APBB2: variants seen among roughly 807,000 people sequenced by gnomAD.
APBB2 encodes the protein Fe65-like 1.
APBB2 carries 38 observed loss-of-function variants against 82.5 expected under a neutral mutation model. The ratio of observed to expected loss-of-function variants is 0.46; its 90% confidence interval spans 0.36 to 0.60. The LOEUF (loss-of-function observed/expected upper bound fraction) is 0.60, where lower values mean the gene tolerates loss of function less well. Among genes scored for constraint, APBB2 ranks in the 20% least tolerant of loss-of-function variants. APBB2 has a pLI of 0.00. For synonymous variants in APBB2, 341 were observed against 368.2 expected (o/e 0.93, Z 0.85); for missense variants, 772 against 972.3 (o/e 0.79, Z 2.74).
At chr4:41,169,823 G>GT (rs150044005) in intron 1 of APBB2, among the ~76,000 whole-genome samples, 6,355 of 149,922 alleles carry the variant, frequency 0.042, 148 homozygotes, top group Middle Eastern at 0.058. Flanking sequence ...AAAACGAATA[G>GT]GGGGGGAAAA....
intron 2 of APBB2, among the ~76,000 whole-genome samples, chr4:41,120,735 G>A (rs1752559777): frequency 6.6e-6 from 1 of 152,146 alleles, no homozygotes; most frequent in Non-Finnish European, 1.5e-5. Flanking sequence ...TGCTTTCACA[G>A]GCACCGCGCT....
At chr4:40,989,590 TG>T (rs1262284297) in intron 6 of APBB2, among the ~76,000 whole-genome samples, 1 of 152,180 alleles carries the variant, frequency 6.6e-6, no homozygotes, top group Non-Finnish European at 1.5e-5. Context: ...GCTACCTATT[TG>T]CTTTGTTAAT....
intron 6 of APBB2, among the ~76,000 whole-genome samples, chr4:40,958,269 T>C (rs932708092): frequency 1.3e-5 from 2 of 152,140 alleles, no homozygotes; most frequent in African/African-American, 4.8e-5. Context: ...GATATTAAAG[T>C]CTTGAGATGA....
At chr4:40,961,192 C>T (rs1325872568) in intron 6 of APBB2, among the ~76,000 whole-genome samples, 1 of 151,982 alleles carries the variant, frequency 6.6e-6, no homozygotes, top group Admixed American at 6.6e-5. Context: ...ATTTTGGGGT[C>T]TTGTATTACT....
intron 6 of APBB2, among the ~76,000 whole-genome samples, chr4:40,983,691 C>A (rs1799688710): frequency 6.6e-6 from 1 of 152,146 alleles, no homozygotes; most frequent in Non-Finnish European, 1.5e-5. Context: ...AATTCTCCTG[C>A]CTCAGCCTCC....
chr4:40,946,260 C>T (rs551801462), intron 6 of APBB2, among the ~76,000 whole-genome samples: 1 of 110,806 alleles, frequency 9.0e-6, no homozygotes, highest in South Asian at 2.8e-4. Flanking sequence ...AAAAACATTC[C>T]CAAGGAAAGC....
At chr4:41,184,024 C>A (rs368694083) in intron 1 of APBB2, among the ~76,000 whole-genome samples, 1 of 151,686 alleles carries the variant, frequency 6.6e-6, no homozygotes, top group Admixed American at 6.6e-5. Context: ...TGGGAGACAG[C>A]GACAGATCAT....
At chr4:41,107,400 GA>G (rs1747649145) in intron 2 of APBB2, among the ~76,000 whole-genome samples, 1 of 152,136 alleles carries the variant, frequency 6.6e-6, no homozygotes, top group African/African-American at 2.4e-5. Flanking sequence ...AATAATGGGG[GA>G]AACTCTTCTT....
At chr4:41,084,537 T>G (rs1472786865) in intron 3 of APBB2, 1 of 152,226 alleles carries the variant, frequency 6.6e-6, no homozygotes, top group East Asian at 1.9e-4. Context: ...CAAGTGTTCA[T>G]CATGCCCCTG....
chr4:41,029,824 T>C (rs1439165710), intron 5 of APBB2, among the ~76,000 whole-genome samples: 1 of 151,900 alleles, frequency 6.6e-6, no homozygotes, highest in East Asian at 1.9e-4. Flanking sequence ...GAACACCATG[T>C]TAGGGATGAG....
intron 4 of APBB2, among the ~76,000 whole-genome samples, chr4:41,049,827 G>C (rs866018295): frequency 6.6e-6 from 1 of 152,146 alleles, no homozygotes; most frequent in Non-Finnish European, 1.5e-5. Flanking sequence ...CCCCCAACCC[G>C]GTGCTCTCTG....
chr4:41,098,012 CCT>C (rs1481306755), intron 3 of APBB2, among the ~76,000 whole-genome samples: 76 of 151,176 alleles, frequency 5.0e-4, no homozygotes, highest in Non-Finnish European at 4.7e-4. Flanking sequence ...ACACCTCCCC[CCT>C]CCCCTCCCGT....
At chr4:40,911,402 A>G (rs572524255) in intron 10 of APBB2, among the ~76,000 whole-genome samples, 2 of 152,318 alleles carry the variant, frequency 1.3e-5, no homozygotes, top group South Asian at 4.1e-4. Flanking sequence ...GTACCTGGTA[A>G]GCATACAATG....
chr4:40,991,006 G>GTTTCTTTTTTTT (rs1553898870), intron 6 of APBB2, among the ~76,000 whole-genome samples: 2 of 77,414 alleles, frequency 2.6e-5, no homozygotes, highest in African/African-American at 3.9e-5. Context: ...TTTGGACTGA[G>GTTTCTTTTTTTT]TTTCATTTTT....
At chr4:40,837,302 C>T (rs1754282437) in intron 12 of APBB2, among the ~76,000 whole-genome samples, 2 of 152,230 alleles carry the variant, frequency 1.3e-5, no homozygotes, top group African/African-American at 4.8e-5. Flanking sequence ...CTGCAGGCAC[C>T]TTTGAGGAGC....
At chr4:41,156,196 A>G (rs1361498708) in intron 1 of APBB2, among the ~76,000 whole-genome samples, 1 of 152,214 alleles carries the variant, frequency 6.6e-6, no homozygotes, top group Admixed American at 6.5e-5. Flanking sequence ...GAAAATAGGA[A>G]AAGGAGAAGA....
chr4:40,963,443 T>C (rs1485042132), intron 6 of APBB2, among the ~76,000 whole-genome samples: 1 of 152,200 alleles, frequency 6.6e-6, no homozygotes, highest in African/African-American at 2.4e-5. Flanking sequence ...AGACAGGGTC[T>C]CGCCATGTTG....
Position 40,832,006 on chromosome 4 carries a change from AT to A in APBB2, c.1530-1430del, listed in dbSNP as rs1327748782. 9.7e-6 allele frequency among the ~76,000 whole-genome samples: 1 copy of A among 102,976 alleles called. No individual in the cohort carries two copies. Among genetic ancestry groups the A allele is most frequent in the Non-Finnish European group, 1.8e-5 (1 of 54,668 alleles). The allele number at this position is 102,976 out of a possible 152,430, so 67.6% of individuals were successfully genotyped here. Reference sequence around the variant, plus strand: ...TACACACACACATATTTATATATTTATTTATATACACACACACACACACACA... The same window carrying A: ...TACACACACACATATTTATATATTTATTATATACACACACACACACACACA... On this transcript the variant is annotated intron_variant, in intron 12 of 17. Coordinates refer to ENST00000508593, the MANE Select transcript of APBB2 (RefSeq NM_004307.2). This position sits in a 1 kb window ranked among gnomAD's most constrained non-coding sequence, Gnocchi z 4.8.
intron 10 of APBB2, among the ~76,000 whole-genome samples, chr4:40,907,767 T>G (rs1016087149): frequency 6.7e-6 from 1 of 149,538 alleles, no homozygotes; most frequent in Non-Finnish European, 1.5e-5. Context: ...CTTCACCTTT[T>G]GGGCTCAGCC....
Sources: gnomAD v4.1 joint callset for allele counts (sites outside exome capture counted in the v4.1 genomes callset) on GRCh38, gnomAD v4.1.1 for gene constraint, Gnocchi (gnomAD v3.1) non-coding constraint, MANE v1.5 for transcripts, NCBI Gene and HGNC (gene_info 2026-07-23, HGNC 2026-07-21) for gene names.